Variants in GRK5 observed in about 807,000 individuals in gnomAD.
GRK5 encodes g protein-coupled receptor kinase GRK5.
A neutral mutation model predicts 78.4 loss-of-function variants in GRK5; 40 were observed. The observed-to-expected ratio is 0.51, with a 90% CI of 0.40 to 0.66. The LOEUF is 0.66. Among genes scored for constraint, GRK5 ranks in the 30% least tolerant of loss-of-function variants. GRK5 has a pLI of 0.00. For missense variants in GRK5, 598 were observed against 759.9 expected, an observed-to-expected ratio of 0.79 and a Z score of 2.50; for synonymous variants, 289 against 296.8, an observed-to-expected ratio of 0.97 and a Z score of 0.27.
chr10:119,291,663 ATCC>A (rs1392596218), intron 1 of GRK5, among the ~76,000 whole-genome samples: 1 of 48,230 alleles, frequency 2.1e-5, no homozygotes, highest in Admixed American at 2.3e-4. Flanking sequence ...CTTCCTCCTC[ATCC>A]TCCTCCTTCT....
intron 2 of GRK5, among the ~76,000 whole-genome samples, chr10:119,354,740 C>T (rs563449399): frequency 6.6e-6 from 1 of 152,246 alleles, no homozygotes; most frequent in East Asian, 1.9e-4. Flanking sequence ...TACAGTTGAT[C>T]CTTGAAGAGC....
At chr10:119,424,383 A>G (rs1010689212) in intron 5 of GRK5, among the ~76,000 whole-genome samples, 6 of 152,180 alleles carry the variant, frequency 3.9e-5, no homozygotes, top group African/African-American at 1.4e-4. Flanking sequence ...ACCTGCCCTG[A>G]TGGCCTAAGA....
chr10:119,301,932 T>A (rs1022238104), intron 1 of GRK5, among the ~76,000 whole-genome samples: 9 of 152,246 alleles, frequency 5.9e-5, no homozygotes, highest in Non-Finnish European at 8.8e-5. Flanking sequence ...ATTCACTTAA[T>A]GAAATCTTTC....
At chr10:119,395,664 C>T (rs916584200) in intron 3 of GRK5, among the ~76,000 whole-genome samples, 10 of 152,142 alleles carry the variant, frequency 6.6e-5, no homozygotes, top group African/African-American at 1.7e-4. Context: ...GTGGCGAGTG[C>T]GTCAGATGTG....
intron 3 of GRK5, among the ~76,000 whole-genome samples, chr10:119,394,692 T>G (rs1475717855): frequency 4.1e-5 from 3 of 72,566 alleles, no homozygotes; most frequent in South Asian, 4.5e-4. Context: ...TGTGTGGGTG[T>G]GTGTGGGTGT....
chr10:119,287,036 G>C (rs890428828), intron 1 of GRK5, among the ~76,000 whole-genome samples: 1 of 150,594 alleles, frequency 6.6e-6, no homozygotes, highest in Non-Finnish European at 1.5e-5. Context: ...AATTTATATT[G>C]AAGAATAGGA....
chr10:119,332,844 G>A (rs1178326081), intron 2 of GRK5, among the ~76,000 whole-genome samples: 3 of 152,132 alleles, frequency 2.0e-5, no homozygotes, highest in South Asian at 2.1e-4. Flanking sequence ...TCTTCCAGGG[G>A]ACTTTAAGGT....
At chr10:119,355,728 T>G (rs535688022) in intron 2 of GRK5, among the ~76,000 whole-genome samples, 1 of 152,170 alleles carries the variant, frequency 6.6e-6, no homozygotes, top group Non-Finnish European at 1.5e-5. Context: ...TGCAATGAGC[T>G]GAGATTGAGC....
chr10:119,305,133 G>A (rs932383729), intron 1 of GRK5, among the ~76,000 whole-genome samples: 28 of 152,136 alleles, frequency 1.8e-4, no homozygotes, highest in Admixed American at 3.3e-4. Flanking sequence ...CTTGTGGTTG[G>A]CAGCGAGGAC....
intron 2 of GRK5, among the ~76,000 whole-genome samples, chr10:119,361,119 A>G (rs1851355938): frequency 6.6e-6 from 1 of 152,216 alleles, no homozygotes; most frequent in Admixed American, 6.5e-5. Flanking sequence ...ACCTTGGGCA[A>G]TGCACAGACC....
At position 119,253,935 on chromosome 10, in the gene GRK5, ACT is replaced by A. The variant is rs1403120043; in HGVS notation, c.52+45969_52+45970del. ...CACTTATTTTCAGATGTTCACATGGACTCTTTTTGAGATTCCCCAGGGGAAAA... is the reference window on the plus strand; with the variant it reads ...CACTTATTTTCAGATGTTCACATGGACTTTTTGAGATTCCCCAGGGGAAAA... On this transcript the variant is annotated intron_variant, in intron 1 of 15. Coordinates refer to ENST00000392870, the MANE Select transcript of GRK5 (RefSeq NM_005308.3). The surrounding 1 kb of genome is among the most constrained non-coding windows in gnomAD (Gnocchi z 5.7). Among the ~76,000 whole-genome samples, 3 of 151,694 alleles carry A rather than the reference ACT, an allele frequency of 2.0e-5. No homozygotes were observed. The highest frequency in any genetic ancestry group is 4.4e-5 in the Non-Finnish European group (3 of 67,952).
chr10:119,214,389 C>T (rs900827032), intron 1 of GRK5, among the ~76,000 whole-genome samples: 1 of 152,122 alleles, frequency 6.6e-6, no homozygotes, highest in African/African-American at 2.4e-5. Context: ...TGCATTGACT[C>T]TACTGTGCCT....
chr10:119,279,243 A>G (rs1849720043), intron 1 of GRK5, among the ~76,000 whole-genome samples: 1 of 152,126 alleles, frequency 6.6e-6, no homozygotes. Context: ...GAATGGCCTC[A>G]TTTTTGCATG....
intron 1 of GRK5, among the ~76,000 whole-genome samples, chr10:119,248,282 G>A (rs1401210845): frequency 3.9e-5 from 6 of 152,268 alleles, no homozygotes; most frequent in African/African-American, 1.4e-4. Context: ...CAAAGTGCTA[G>A]GATTATAGAA....
chr10:119,259,062 TTTC>T (rs1446811149), intron 1 of GRK5, among the ~76,000 whole-genome samples: 1 of 99,174 alleles, frequency 1.0e-5, no homozygotes, highest in East Asian at 3.7e-4. Flanking sequence ...CCTCTTTCTT[TTTC>T]TTTTTTTTTT....
At chr10:119,230,689 T>A (rs1709280122) in intron 1 of GRK5, among the ~76,000 whole-genome samples, 1 of 151,724 alleles carries the variant, frequency 6.6e-6, no homozygotes, top group South Asian at 2.1e-4. Context: ...AATAAAAAAA[T>A]TAGCCAGGTG....
intron 1 of GRK5, among the ~76,000 whole-genome samples, chr10:119,297,350 A>G (rs1850100043): frequency 1.3e-5 from 2 of 152,202 alleles, no homozygotes; most frequent in Admixed American, 1.3e-4. Context: ...CATAATTGTC[A>G]TCACCACCTC....
At chr10:119,213,719 C>G (rs1019716424) in intron 1 of GRK5, among the ~76,000 whole-genome samples, 1 of 152,106 alleles carries the variant, frequency 6.6e-6, no homozygotes, top group African/African-American at 2.4e-5. Context: ...TTTGTGAAAA[C>G]TGTGCTGCTT....
At chr10:119,427,470 C>CCGCCATCATCAGCAT (rs1852715717) in intron 6 of GRK5, among the ~76,000 whole-genome samples, 1 of 151,762 alleles carries the variant, frequency 6.6e-6, no homozygotes, top group East Asian at 1.9e-4. Flanking sequence ...ATCAGCATCA[C>CCGCCATCATCAGCAT]CACCATCATC....
Sources: gnomAD v4.1 joint callset for allele counts (sites outside exome capture counted in the v4.1 genomes callset) on GRCh38, gnomAD v4.1.1 for gene constraint, Gnocchi (gnomAD v3.1) non-coding constraint, MANE v1.5 for transcripts, NCBI Gene and HGNC (gene_info 2026-07-23, HGNC 2026-07-21) for gene names.